PKP4: variants seen among roughly 807,000 people sequenced by gnomAD.
PKP4 encodes plakophilin-4.
In PKP4, 90 loss-of-function variants were observed where a neutral mutation model predicts 145.1. The ratio of observed to expected loss-of-function variants is 0.62; its 90% CI spans 0.52 to 0.74. The LOEUF (loss-of-function observed/expected upper bound fraction) is 0.74. Among genes scored for constraint, PKP4 ranks in the 30% least tolerant of loss-of-function variants. The probability of loss-of-function intolerance (pLI) is 0.00; values close to 1 mark genes in which losing one functional copy is unlikely to be tolerated. For synonymous variants in PKP4, 563 were observed against 577.2 expected (o/e 0.98, Z 0.35); for missense variants, 1,340 against 1,482.7 (o/e 0.90, Z 1.58).
chr2:158,480,155 G>A (rs907276884), intron 1 of PKP4, among the ~76,000 whole-genome samples: 1 of 152,152 alleles, frequency 6.6e-6, no homozygotes, highest in Non-Finnish European at 1.5e-5. Flanking sequence ...AAAGATTTCT[G>A]TTAAATAGTT....
At chr2:158,560,619 A>G (rs981583224) in intron 2 of PKP4, among the ~76,000 whole-genome samples, 2 of 152,226 alleles carry the variant, frequency 1.3e-5, no homozygotes, top group African/African-American at 2.4e-5. Flanking sequence ...AAATGAAAAT[A>G]TATTTCCAAA....
At position 158,621,112 on chromosome 2, in the gene PKP4, G is replaced by A; in HGVS notation, c.403G>A (p.Glu135Lys). 6.2e-7 allele frequency: 1 copy of A among 1,614,168 alleles called. No individual in the cohort carries two copies. Reference protein sequence around the residue: ...LYSPEQTSLHESEGSLGNSRS... With the variant: ...LYSPEQTSLHKSEGSLGNSRS... ...TTCACCAGAACAGACATCTCTCCAT[G>A]AAAGTGAGGGTCTGTTGTGTTATCT... is the stretch of plus-strand genomic sequence containing the variant. The change falls in exon 5 of 22, where the codon GAA (glutamate) becomes AAA (lysine). Residue 135 changes from glutamate (E) to lysine (K), a missense_variant. Coordinates refer to ENST00000389759, the MANE Select transcript of PKP4 (RefSeq NM_003628.6).
chr2:158,554,460 C>T (rs1361697819), intron 2 of PKP4, among the ~76,000 whole-genome samples: 2 of 147,864 alleles, frequency 1.4e-5, no homozygotes, highest in Non-Finnish European at 3.0e-5. Flanking sequence ...GAGTCTAGCT[C>T]TGTTGCCCAG....
At chr2:158,540,098 A>G (rs1386146883) in intron 2 of PKP4, among the ~76,000 whole-genome samples, 3 of 152,234 alleles carry the variant, frequency 2.0e-5, no homozygotes, top group Non-Finnish European at 1.5e-5. Context: ...CTACCTGCCT[A>G]CATTTTCCGA....
intron 1 of PKP4, among the ~76,000 whole-genome samples, chr2:158,496,866 A>T (rs1695819344): frequency 6.6e-6 from 1 of 151,334 alleles, no homozygotes; most frequent in Non-Finnish European, 1.5e-5. Flanking sequence ...GATGAAGGAA[A>T]CTCTCAAATA....
intron 1 of PKP4, among the ~76,000 whole-genome samples, chr2:158,523,891 GATGAA>G (rs1574275262): frequency 1.4e-5 from 2 of 140,466 alleles, no homozygotes; most frequent in East Asian, 2.1e-4. Context: ...AGCAACGGAA[GATGAA>G]ATGAATGAAA....
chr2:158,500,195 T>C (rs144945880), intron 1 of PKP4, among the ~76,000 whole-genome samples: 2 of 152,212 alleles, frequency 1.3e-5, no homozygotes, highest in Non-Finnish European at 2.9e-5. Flanking sequence ...CTGCAAGAAG[T>C]TGGAATGTCC....
At chr2:158,592,672 C>T (rs902130137) in intron 3 of PKP4, among the ~76,000 whole-genome samples, 1 of 152,074 alleles carries the variant, frequency 6.6e-6, no homozygotes, top group Non-Finnish European at 1.5e-5. Flanking sequence ...TCTTTAGACA[C>T]ACACCAGATT....
At chr2:158,474,743 C>T (rs1475130642) in intron 1 of PKP4, among the ~76,000 whole-genome samples, 1 of 152,150 alleles carries the variant, frequency 6.6e-6, no homozygotes, top group Admixed American at 6.5e-5. Flanking sequence ...CTCTCCCACA[C>T]TAGCTGCTGC....
intron 2 of PKP4, among the ~76,000 whole-genome samples, chr2:158,557,222 C>G (rs7568220): frequency 0.75 from 114,185 of 152,036 alleles, 43,617 homozygotes; most frequent in East Asian, 0.92. Context: ...TTAGTATATA[C>G]TATGTGGCTC....
chr2:158,680,757 T>C lies in PKP4; in HGVS notation c.*80T>C, dbSNP rs928475358. 1.6e-6 allele frequency: 2 copies of C among 1,262,616 alleles called. No homozygotes were observed. The highest frequency in any genetic ancestry group is 2.2e-6 in the Non-Finnish European group (2 of 910,474). The allele number at this position is 1,262,616 out of a possible 1,614,324, so 78.2% of individuals were successfully genotyped here. ...TGAAAAGTCCATCTTGCTGATTTGA[T>C]GATTGAAATGTGAAAGTGAAGTGGA... is the stretch of plus-strand genomic sequence containing the variant. On this transcript the variant is annotated 3_prime_UTR_variant, in exon 22 of 22. Transcript: ENST00000389759.
intron 7 of PKP4, 135 bp from the exon 8 acceptor site, chr2:158,631,618 T>G (rs2053367409): frequency 1.3e-6 from 1 of 751,302 alleles, no homozygotes; most frequent in African/African-American, 1.7e-5. Flanking sequence ...CTCAAATTCC[T>G]GGGCTCAAGC....
At chr2:158,536,719 C>T (rs1384136908) in intron 2 of PKP4, among the ~76,000 whole-genome samples, 1 of 152,156 alleles carries the variant, frequency 6.6e-6, no homozygotes, top group Non-Finnish European at 1.5e-5. Context: ...GAAGTGATAA[C>T]CTCTCACAGT....
intron 1 of PKP4, among the ~76,000 whole-genome samples, chr2:158,495,811 G>A (rs1695617402): frequency 6.7e-6 from 1 of 150,374 alleles, no homozygotes; most frequent in Non-Finnish European, 1.5e-5. Flanking sequence ...TCCAGCCTGG[G>A]CGACAGAGCA....
intron 21 of PKP4, chr2:158,679,462 G>A (rs2058286289): frequency 1.3e-5 from 2 of 152,214 alleles, no homozygotes; most frequent in Non-Finnish European, 2.9e-5. Context: ...AGGAAAAATA[G>A]ACCAGAATCA....
At chr2:158,620,148 AG>A (rs2105889839) in intron 4 of PKP4, among the ~76,000 whole-genome samples, 1 of 152,324 alleles carries the variant, frequency 6.6e-6, no homozygotes, top group Non-Finnish European at 1.5e-5. Context: ...TAATAATATA[AG>A]GGTTAAATGC....
intron 2 of PKP4, among the ~76,000 whole-genome samples, chr2:158,544,151 G>A (rs1216887089): frequency 6.6e-6 from 1 of 152,148 alleles, no homozygotes; most frequent in African/African-American, 2.4e-5. Flanking sequence ...CTTAAGTGAA[G>A]CAAAATCACT....
At position 158,658,172 on chromosome 2, in the gene PKP4, A is replaced by G; in HGVS notation, c.1951A>G (p.Thr651Ala). Residue 651 changes from threonine (T) to alanine (A), a missense_variant, in exon 12 of 22, where the codon ACA becomes GCA. Transcript: ENST00000389759. ...NLSSCDAVKM[T>A]IIRDALSTLT... The stretch of plus-strand genomic sequence containing the variant: ...ATCCTCATGTGATGCTGTAAAAATG[A>G]CAATCATTCGAGATGCTCTCTCAAC... 2 of 1,607,672 alleles carry G rather than the reference A, an allele frequency of 1.2e-6. No individual in the cohort carries two copies. The highest frequency in any genetic ancestry group is 1.7e-6 in the Non-Finnish European group (2 of 1,175,214).
chr2:158,631,620 G>C lies in PKP4; in HGVS notation c.1154-133G>C. On this transcript the variant is annotated intron_variant, in intron 7 of 21. Coordinates refer to ENST00000389759, the MANE Select transcript of PKP4 (RefSeq NM_003628.6). ...TTCCCAGACTGGTCTCAAATTCCTG[G>C]GCTCAAGCCATTCTCCCACCTCTGT... 15 of 756,172 alleles carry C rather than the reference G, an allele frequency of 2.0e-5. 1 individual carries two copies. The South Asian group carries it at 2.4e-4, about 12-fold the overall frequency. 46.8% of individuals were successfully genotyped at this position (756,172 alleles called of 1,614,324 possible). A position where few individuals can be genotyped will look rare whatever the true frequency, so the allele number is the denominator to read the frequency against.
Sources: allele counts gnomAD v4.1 joint callset (sites outside exome capture counted in the v4.1 genomes callset), GRCh38; gene constraint gnomAD v4.1.1; transcripts MANE v1.5; gene names NCBI Gene and HGNC (gene_info 2026-07-23, HGNC 2026-07-21).